Variants in CHRNB4 observed in about 807,000 individuals in gnomAD.
CHRNB4 encodes cholinergic receptor nicotinic beta 4 subunit, also known as neuronal acetylcholine receptor subunit beta-4.
A neutral mutation model predicts 40.4 loss-of-function variants in CHRNB4; 23 were observed. The ratio of observed to expected loss-of-function variants is 0.57; its 90% CI spans 0.41 to 0.81. The LOEUF is 0.81. Among genes scored for constraint, CHRNB4 ranks in the 30% least tolerant of loss-of-function variants. CHRNB4 has a pLI of 0.00. For synonymous variants in CHRNB4, 285 were observed against 274.4 expected (o/e 1.04, Z -0.38); for missense variants, 568 against 670.6 (o/e 0.85, Z 1.69).
chr15:78,633,948 C>T (rs942317304), intron 2 of CHRNB4, among the ~76,000 whole-genome samples: 2 of 151,770 alleles, frequency 1.3e-5, no homozygotes, highest in Non-Finnish European at 2.9e-5. Flanking sequence ...GGGATGCTGG[C>T]GAGGGAGTGC....
At chr15:78,644,399 G>T (rs1024763824), upstream of CHRNB4, among the ~76,000 whole-genome samples, 8 of 149,942 alleles carry the variant, frequency 5.3e-5, no homozygotes, top group Non-Finnish European at 1.5e-5. Flanking sequence ...GGCTTGTGTG[G>T]GGGGTTTATC....
intron 6 of CHRNB4, among the ~76,000 whole-genome samples, chr15:78,651,810 T>C (rs2054174581): frequency 6.6e-6 from 1 of 152,196 alleles, no homozygotes; most frequent in Non-Finnish European, 1.5e-5. Context: ...CCTTCCTTTC[T>C]TTAGCAGCTC....
Position 78,658,745 on chromosome 15 carries a change from A to G in CHRNB4, c.-850-376T>C, listed in dbSNP as rs115232604. On this transcript the variant is annotated intron_variant and NMD_transcript_variant, in intron 1 of 11. Transcript: ENST00000559849. ...GCTACAAGATTTTGAAGAGGGGGAA[A>G]AAAAAGCCTTTCTGCTAGGCCCTGA... is the stretch of plus-strand genomic sequence containing the variant. Among the ~76,000 whole-genome samples, 806 of 152,326 alleles carry G rather than the reference A, an allele frequency of 5.3e-3. 6 individuals are homozygous for G. The highest frequency in any genetic ancestry group is 0.018 in the African/African-American group (759 of 41,554).
chr15:78,639,767 G>A (rs537893723), intron 1 of CHRNB4, among the ~76,000 whole-genome samples: 1 of 152,256 alleles, frequency 6.6e-6, no homozygotes, highest in African/African-American at 2.4e-5. Flanking sequence ...GGGTGATACA[G>A]GCTGCCCCAG....
At chr15:78,631,981 T>A (rs2053822948) in intron 2 of CHRNB4, among the ~76,000 whole-genome samples, 1 of 152,170 alleles carries the variant, frequency 6.6e-6, no homozygotes, top group Non-Finnish European at 1.5e-5. Flanking sequence ...TCCCCTGCAC[T>A]GCCTCTTTGC....
At chr15:78,641,506 A>C (rs933933889), upstream of CHRNB4, among the ~76,000 whole-genome samples, 5 of 152,176 alleles carry the variant, frequency 3.3e-5, no homozygotes, top group African/African-American at 1.2e-4. Flanking sequence ...TTGGGGAAAG[A>C]GCATGTGCTT....
chr15:78,625,208 A>G lies in CHRNB4; in HGVS notation c.1422T>C (p.Thr474=), dbSNP rs746926811. ...WVFMFVCVLG[T]VGLFLPPLFQ... ...AGAGGGGCGGTAGGAAGAGCCCCAC[A>G]GTGCCCAGGACGCACACAAACATGA... The change falls in exon 6 of 6, where the codon ACT becomes ACC. Residue 474 remains threonine (T), a synonymous_variant. Transcript: ENST00000261751. The G allele has an allele frequency of 1.2e-6, 2 of 1,607,400 alleles. No homozygotes were observed. The highest frequency in any genetic ancestry group is 1.7e-6 in the Non-Finnish European group (2 of 1,176,884).
chr15:78,641,283 A>G, upstream of CHRNB4: 1 of 639,354 alleles, frequency 1.6e-6, no homozygotes, highest in South Asian at 2.7e-5. Context: ...AGCCCCGCCG[A>G]GCCCCGCCCA....
chr15:78,660,979 C>T, upstream of CHRNB4: 1 of 465,014 alleles, frequency 2.2e-6, no homozygotes. Context: ...GTCCACATTT[C>T]TTTCTTTCCT....
chr15:78,624,732 C>A lies in CHRNB4; in HGVS notation c.*401G>T. 2.4e-6 allele frequency: 1 copy of A among 422,670 alleles called. No homozygotes were observed. The highest frequency in any genetic ancestry group is 4.1e-6 in the Non-Finnish European group (1 of 241,502). The allele number at this position is 422,670 out of a possible 1,614,324, so 26.2% of individuals were successfully genotyped here. On this transcript the variant is annotated 3_prime_UTR_variant, in exon 6 of 6. Coordinates refer to ENST00000261751, the MANE Select transcript of CHRNB4 (RefSeq NM_000750.5). Reference sequence around the variant, plus strand: ...AGATGATGATATGGCAAATGCCAAGCCTCTGAGCTGGGAAGAATCTAGAAG... The same window carrying A: ...AGATGATGATATGGCAAATGCCAAGACTCTGAGCTGGGAAGAATCTAGAAG...
intron 1 of CHRNB4, among the ~76,000 whole-genome samples, chr15:78,638,132 T>G (rs1403037442): frequency 6.6e-6 from 1 of 152,186 alleles, no homozygotes. Context: ...GGAGGCTGGA[T>G]CCCACATCTC....
intron 1 of CHRNB4, among the ~76,000 whole-genome samples, chr15:78,659,054 A>G (rs2141413873): frequency 6.6e-6 from 1 of 152,342 alleles, no homozygotes; most frequent in South Asian, 2.1e-4. Context: ...TCCTAGGGAT[A>G]CAGTAGTGGA....
In CHRNB4 at chr15:78,631,350, G is replaced by A. The variant is rs750426885; in HGVS notation, c.205-18C>T. On this transcript the variant is annotated intron_variant, in intron 2 of 5. Coordinates refer to ENST00000261751, the MANE Select transcript of CHRNB4 (RefSeq NM_000750.5). ...CGCTCATTCTGGGGAGGGAAACGGG[G>A]CTATCAGTTCACCAGGAAGGAGGAG... 5 of 1,612,074 alleles carry A rather than the reference G, an allele frequency of 3.1e-6. No individual in the cohort carries two copies. Among genetic ancestry groups the A allele is most frequent in the Non-Finnish European group, 4.2e-6 (5 of 1,179,466 alleles).
At chr15:78,633,736 G>A (rs778969332) in intron 2 of CHRNB4, among the ~76,000 whole-genome samples, 3 of 152,246 alleles carry the variant, frequency 2.0e-5, no homozygotes, top group Non-Finnish European at 4.4e-5. Context: ...TTGAGCTTGT[G>A]TACTCTGGTG....
In CHRNB4 at chr15:78,628,894, G is replaced by T. The variant is rs1303860101; in HGVS notation, c.1338+73C>A. On this transcript the variant is annotated intron_variant, in intron 5 of 5. Coordinates refer to ENST00000261751, the MANE Select transcript of CHRNB4 (RefSeq NM_000750.5). ...CTTGTCTCCTATGAATTAACTGCAGGAAGTGGGAAGCTGGTGCTACTATCT... is the reference window on the plus strand; with the variant it reads ...CTTGTCTCCTATGAATTAACTGCAGTAAGTGGGAAGCTGGTGCTACTATCT... 2.0e-5 allele frequency: 30 copies of T among 1,517,172 alleles called. 1 individual carries two copies. The Admixed American group carries it at 6.1e-4, about 31-fold the overall frequency. 94.0% of individuals were successfully genotyped at this position (1,517,172 alleles called of 1,614,324 possible).
chr15:78,636,764 AAC>A (rs2141389294), intron 1 of CHRNB4, among the ~76,000 whole-genome samples: 1 of 152,148 alleles, frequency 6.6e-6, no homozygotes, highest in Admixed American at 6.5e-5. Flanking sequence ...CACTTCTTTG[AAC>A]AGACTCTTTC....
intron 7 of CHRNB4, among the ~76,000 whole-genome samples, chr15:78,648,891 A>G (rs1054502612): frequency 6.6e-6 from 1 of 151,780 alleles, no homozygotes. Context: ...TGATCCTCCC[A>G]CCTCAGCCTC....
chr15:78,659,512 T>C (rs902648847), intron 1 of CHRNB4, among the ~76,000 whole-genome samples: 18 of 152,176 alleles, frequency 1.2e-4, no homozygotes, highest in African/African-American at 4.3e-4. Flanking sequence ...CAGAGTGATG[T>C]GCTGCAGGGT....
intron 1 of CHRNB4, among the ~76,000 whole-genome samples, chr15:78,638,791 G>C (rs1024000697): frequency 6.6e-6 from 1 of 152,264 alleles, no homozygotes; most frequent in African/African-American, 2.4e-5. Flanking sequence ...TGGGCTCAAA[G>C]GACAAGGAAC....
Sources: allele counts gnomAD v4.1 joint callset (sites outside exome capture counted in the v4.1 genomes callset), GRCh38; gene constraint gnomAD v4.1.1; transcripts MANE v1.5; gene names NCBI Gene and HGNC (gene_info 2026-07-23, HGNC 2026-07-21).